The following EOLA2 variants were observed in gnomAD, a reference collection of about 807,000 sequenced individuals.
The protein encoded by EOLA2 is endothelium and lymphocyte associated ASCH domain 2.
A neutral mutation model predicts 4.1 loss-of-function variants in EOLA2; 3 were observed. The ratio of observed to expected loss-of-function variants is 0.73; its 90% CI spans 0.33 to 1.89. The LOEUF (loss-of-function observed/expected upper bound fraction) is 1.89. EOLA2 is among the 40% of genes most tolerant of loss of function. The pLI is 0.08. For synonymous variants in EOLA2, 52 were observed against 51.7 expected (o/e 1.01, Z -0.03); for missense variants, 109 against 126.4 (o/e 0.86, Z 0.66).
Position 149,932,681 on chromosome X carries a change from T to C in EOLA2, c.340A>G (p.Thr114Ala). 1 of 1,208,392 alleles carries C rather than the reference T, an allele frequency of 8.3e-7. No individual in the cohort carries two copies. The highest frequency in any genetic ancestry group is 1.1e-6 in the Non-Finnish European group (1 of 894,332). Residue 114 changes from threonine (T) to alanine (A), a missense_variant, in exon 5 of 5, where the codon ACC (threonine) becomes GCC (alanine). By Grantham distance (58) the Thr-to-Ala change is moderately conservative. Coordinates refer to ENST00000370406, the MANE Select transcript of EOLA2 (RefSeq NM_001013845.2). The part of the protein sequence containing the change: ...VVELENQAAL[T>A]NLKQKYLTVI... ...GTCAGGTACTTCTGCTTCAGGTTGG[T>C]CAGTGCAGCTTGATTTTCTAGTTCC...
Position 149,933,793 on chromosome X carries a change from G to A in EOLA2, c.82C>T (p.Arg28Cys), listed in dbSNP as rs201467089. 1.9e-4 allele frequency: 227 copies of A among 1,199,417 alleles called. 3 individuals carry two copies. The highest frequency in any genetic ancestry group is 6.6e-4 in the South Asian group (37 of 56,178). The change falls in exon 4 of 5, where the codon CGT becomes TGT. Residue 28 changes from arginine (R) to cysteine (C), a missense_variant. By Grantham distance (180) the Arg-to-Cys change is radical. Transcript: ENST00000370406. Reference protein sequence around the residue: ...NGIKTVETRWRPLLSSQRNCT... With the variant: ...NGIKTVETRWCPLLSSQRNCT... ...TTCCGCTGGCTGCTCAGCAGAGGAC[G>A]CCAGCGCGTCTCCACAGTCTTGATT...
At chrX:149,937,872 G>A (rs1189818505) in intron 1 of EOLA2, among the ~76,000 whole-genome samples, 4 of 112,859 alleles carry the variant, frequency 3.5e-5, no homozygotes, top group African/African-American at 6.4e-5. Context: ...TGAGCACGGG[G>A]CCACAGGCCA....
chrX:149,931,018 G>A (rs1363102671), downstream of EOLA2: 3 of 937,364 alleles, frequency 3.2e-6, no homozygotes, highest in Middle Eastern at 4.5e-4. Flanking sequence ...GTAGTGTAAT[G>A]TCTTTGTACA....
rs2091059024 is a variant in EOLA2 at position 149,938,483 on chromosome X, T to C, written c.-501A>G. On this transcript the variant is annotated 5_prime_UTR_variant, in exon 1 of 5. Coordinates refer to ENST00000370406, the MANE Select transcript of EOLA2 (RefSeq NM_001013845.2). The stretch of plus-strand genomic sequence containing the variant: ...CCCGTCGTCCCTTTCATGAGGAACG[T>C]ACGTGTGCGCGTAATCACGCACGTA... 8.9e-6 allele frequency: 1 copy of C among 112,701 alleles called. No homozygotes were observed. The highest frequency in any genetic ancestry group is 1.9e-5 in the Non-Finnish European group (1 of 53,256). 9.3% of individuals were successfully genotyped at this position (112,701 alleles called of 1,213,427 possible). A position where few individuals can be genotyped will look rare whatever the true frequency, so the allele number is the denominator to read the frequency against.
At chrX:149,937,404 C>G in intron 2 of EOLA2, 29 bp downstream of exon 2, 1 of 656,072 alleles carries the variant, frequency 1.5e-6, no homozygotes, top group Non-Finnish European at 1.8e-6. Context: ...GGGGTTGAGT[C>G]CCCTCCTACC....
At chrX:149,935,387 C>T (rs1485881738) in intron 2 of EOLA2, among the ~76,000 whole-genome samples, 8 of 68,229 alleles carry the variant, frequency 1.2e-4, no homozygotes, top group South Asian at 9.0e-4. Flanking sequence ...TGAGCACACG[C>T]GCGCCTCCCA....
At chrX:149,937,957 C>T (rs1204359608) in intron 1 of EOLA2, among the ~76,000 whole-genome samples, 1 of 112,773 alleles carries the variant, frequency 8.9e-6, no homozygotes, top group African/African-American at 3.2e-5. Context: ...CAGGGAAGAC[C>T]GGGCCGAGAT....
rs1207820692 is a variant in EOLA2, at chrX:149,935,060, T to C, written c.-162-923A>G. Among the ~76,000 whole-genome samples, 4 of 111,246 alleles carry C rather than the reference T, an allele frequency of 3.6e-5. No homozygotes were observed. The East Asian group carries it at 8.5e-4, about 24-fold the overall frequency. On this transcript the variant is annotated intron_variant, in intron 2 of 4. Coordinates refer to ENST00000370406, the MANE Select transcript of EOLA2 (RefSeq NM_001013845.2). ...GCCCCCTGGCCCTGAACTCCACCCT[T>C]GAGCTGCCCCTACTCCTCTCTCTGT... is the stretch of plus-strand genomic sequence containing the variant.
At chrX:149,930,410 T>C (rs1439333992), downstream of EOLA2, among the ~76,000 whole-genome samples, 1 of 111,551 alleles carries the variant, frequency 9.0e-6, no homozygotes, top group African/African-American at 3.3e-5. Context: ...GCTATTTATA[T>C]ATTACTGCCT....
chrX:149,937,356 T>A (rs2091023147), intron 2 of EOLA2, 77 bp downstream of exon 2: 1 of 300,133 alleles, frequency 3.3e-6, no homozygotes, highest in Non-Finnish European at 4.4e-6. Flanking sequence ...GTGTGTGGAA[T>A]CCCTAGTAGG....
chrX:149,934,543 C>T, intron 2 of EOLA2: 2 of 754,726 alleles, frequency 2.6e-6, no homozygotes, highest in Admixed American at 8.5e-5. Flanking sequence ...CTGCTCTCCA[C>T]TGTCAGCAGA....
downstream of EOLA2, among the ~76,000 whole-genome samples, chrX:149,931,904 A>G (rs1557374325): frequency 1.0e-5 from 1 of 96,816 alleles, no homozygotes; most frequent in African/African-American, 3.8e-5. Flanking sequence ...TTTTGGATGT[A>G]TTGCTAGGAT....
downstream of EOLA2, among the ~76,000 whole-genome samples, chrX:149,931,565 T>C (rs1341989050): frequency 3.4e-4 from 33 of 96,734 alleles, no homozygotes; most frequent in South Asian, 1.7e-3. Context: ...CAGGAGATTG[T>C]TTCCTCATGG....
downstream of EOLA2, among the ~76,000 whole-genome samples, chrX:149,931,796 T>C (rs1158859784): frequency 7.3e-5 from 2 of 27,460 alleles, no homozygotes; most frequent in South Asian, 1.6e-3. Flanking sequence ...GAAACTTTGC[T>C]AAATCACCAA....
chrX:149,934,773 C>A (rs1557375540), intron 2 of EOLA2, among the ~76,000 whole-genome samples: 1 of 112,362 alleles, frequency 8.9e-6, no homozygotes. Flanking sequence ...GCTCTGACTT[C>A]CCACAACTCT....
intron 2 of EOLA2, among the ~76,000 whole-genome samples, chrX:149,935,736 G>A (rs1283689789): frequency 1.9e-5 from 2 of 104,021 alleles, no homozygotes; most frequent in Non-Finnish European, 3.9e-5. Flanking sequence ...TAGGTGGACA[G>A]GCCCATACAT....
In EOLA2 at chrX:149,934,026, T is replaced by C. The variant is rs1557375344; in HGVS notation, c.-51A>G. On this transcript the variant is annotated 5_prime_UTR_variant, in exon 3 of 5. Transcript: ENST00000370406. ...TGACCTTGATGGTCTGCTGCTTCCG[T>C]CTGTCACTGATGTCGAGCACCACAG... The C allele has an allele frequency of 1.8e-6, 2 of 1,104,008 alleles. No homozygotes were observed. The highest frequency in any genetic ancestry group is 3.4e-5 in the Admixed American group (1 of 29,155). The allele number at this position is 1,104,008 out of a possible 1,213,427, so 91.0% of individuals were successfully genotyped here.
chrX:149,932,456 T>G lies in EOLA2; in HGVS notation c.*88A>C, dbSNP rs71219585. 4.5e-4 allele frequency: 533 copies of G among 1,182,928 alleles called. 8 individuals carry two copies. In the East Asian group the frequency reaches 8.4e-3, roughly 19 times the overall value. On this transcript the variant is annotated 3_prime_UTR_variant, in exon 5 of 5. Coordinates refer to ENST00000370406, the MANE Select transcript of EOLA2 (RefSeq NM_001013845.2). ...AGTGGAAATTCATCTTTAACCTAAT[T>G]TATACAGGTCTGCGTCACGATGGCA...
chrX:149,935,771 C>G (rs1426159822), intron 2 of EOLA2, among the ~76,000 whole-genome samples: 2 of 105,585 alleles, frequency 1.9e-5, no homozygotes, highest in African/African-American at 7.0e-5. Context: ...CCATCACCAC[C>G]AAGTCCACCT....
Sources: gnomAD v4.1 joint callset for allele counts (sites outside exome capture counted in the v4.1 genomes callset) on GRCh38, gnomAD v4.1.1 for gene constraint, MANE v1.5 for transcripts, NCBI Gene and HGNC (gene_info 2026-07-23, HGNC 2026-07-21) for gene names.